Variants in PCDHGA9 observed in about 807,000 individuals in gnomAD.
The protein encoded by PCDHGA9 is protocadherin gamma subfamily A, 9.
A neutral mutation model predicts 62.5 loss-of-function variants in PCDHGA9; 37 were observed. That is an observed-to-expected ratio of 0.59 (90% CI 0.46 to 0.78). PCDHGA9 has a LOEUF of 0.78. Ranked by LOEUF, PCDHGA9 falls within the 30% of genes least tolerant of loss-of-function variation. The pLI is 0.00. For synonymous variants in PCDHGA9, 459 were observed against 484.6 expected (o/e 0.95, Z 0.69); for missense variants, 1,138 against 1,166.2 (o/e 0.98, Z 0.35).
intron 1 of PCDHGA9, among the ~76,000 whole-genome samples, chr5:141,492,745 C>G (rs2099743569): frequency 6.6e-6 from 1 of 152,262 alleles, no homozygotes; most frequent in Non-Finnish European, 1.5e-5. Flanking sequence ...GTGGCCGAGG[C>G]GCGGCAGGGC....
chr5:141,429,421 C>T (rs1223756901), intron 1 of PCDHGA9, among the ~76,000 whole-genome samples: 1 of 151,486 alleles, frequency 6.6e-6, no homozygotes, highest in Non-Finnish European at 1.5e-5. Context: ...CATTATGTTG[C>T]CCAGGCTGGA....
chr5:141,422,397 C>T (rs753017439), intron 1 of PCDHGA9: 4 of 1,597,606 alleles, frequency 2.5e-6, no homozygotes, highest in East Asian at 4.5e-5. Context: ...TTCCTAACCA[C>T]CTGCCTTTTA....
intron 1 of PCDHGA9, among the ~76,000 whole-genome samples, chr5:141,454,796 ATTTTTTTTTTTTTTTTTTT>A (rs61612330): frequency 3.9e-5 from 3 of 77,408 alleles, no homozygotes; most frequent in African/African-American, 1.2e-4. Context: ...CATGGTTCTA[ATTTTTTTTTTTTTTTTTTT>A]TTTTTTTTTT....
intron 1 of PCDHGA9, among the ~76,000 whole-genome samples, chr5:141,483,725 C>T (rs903001715): frequency 1.3e-5 from 2 of 152,008 alleles, no homozygotes; most frequent in Non-Finnish European, 1.5e-5. Context: ...TGGTTCCCAC[C>T]ATAGTCAAAA....
At chr5:141,444,864 A>G (rs1304165078) in intron 1 of PCDHGA9, among the ~76,000 whole-genome samples, 1 of 152,210 alleles carries the variant, frequency 6.6e-6, no homozygotes, top group African/African-American at 2.4e-5. Context: ...GTCTTACTAC[A>G]GGACAAAGCT....
rs765969768 is a variant in PCDHGA9, at chr5:141,421,456, G to A, written c.2424+16080G>A. ...CTCCAGAGGGAAGACACAGCTTTTC[G>A]CTGTGAATCCGCGAAGCGGCAGCTT... is the stretch of plus-strand genomic sequence containing the variant. On this transcript the variant is annotated intron_variant, in intron 1 of 3. Transcript: ENST00000573521. 9.3e-6 allele frequency: 15 copies of A among 1,614,132 alleles called. No homozygotes were observed. Among genetic ancestry groups the A allele is most frequent in the Non-Finnish European group, 1.1e-5 (13 of 1,179,948 alleles).
In PCDHGA9 at chr5:141,491,907, G is replaced by A; in HGVS notation, c.2425-2900G>A. 5 of 1,408,726 alleles carry A rather than the reference G, an allele frequency of 3.5e-6. No homozygotes were observed. In the South Asian group the frequency reaches 7.5e-5, roughly 21 times the overall value. The allele number at this position is 1,408,726 out of a possible 1,614,324, so 87.3% of individuals were successfully genotyped here. A position where few individuals can be genotyped will look rare whatever the true frequency, so the allele number is the denominator to read the frequency against. ...TGGGGCTCCGAGCACCGGGGGTGGTGGCGACTGTGGGCGAGGGGAGGTGGG... is the reference window on the plus strand; with the variant it reads ...TGGGGCTCCGAGCACCGGGGGTGGTAGCGACTGTGGGCGAGGGGAGGTGGG... On this transcript the variant is annotated intron_variant, in intron 1 of 3. Coordinates refer to ENST00000573521, the MANE Select transcript of PCDHGA9 (RefSeq NM_018921.3). This position sits in a 1 kb window ranked among gnomAD's most constrained non-coding sequence, Gnocchi z 6.9.
intron 1 of PCDHGA9, among the ~76,000 whole-genome samples, chr5:141,445,778 T>G (rs1045010487): frequency 6.6e-6 from 1 of 152,190 alleles, no homozygotes; most frequent in East Asian, 1.9e-4. Context: ...TTAAAAGGGC[T>G]AGGGAGGCTA....
chr5:141,404,714 G>T lies in PCDHGA9; in HGVS notation c.1762G>T (p.Val588Leu), dbSNP rs776337117. 6.2e-7 allele frequency: 1 copy of T among 1,614,068 alleles called. No individual in the cohort carries two copies. Among genetic ancestry groups the T allele is most frequent in the Non-Finnish European group, 8.5e-7 (1 of 1,180,028 alleles). ...CCGCTCTGCAGAGCCTGGCTACCTGGTGACCAAGGTGGTGGCAGTGGACAG... is the reference window on the plus strand; with the variant it reads ...CCGCTCTGCAGAGCCTGGCTACCTGTTGACCAAGGTGGTGGCAGTGGACAG... ...APRSAEPGYL[V>L]TKVVAVDRDS... Residue 588 changes from valine (V) to leucine (L), a missense_variant, in exon 1 of 4, where the codon GTG becomes TTG. Physicochemically the swap from Val to Leu is conservative, Grantham distance 32 (BLOSUM62 1). Coordinates refer to ENST00000573521, the MANE Select transcript of PCDHGA9 (RefSeq NM_018921.3).
intron 1 of PCDHGA9, chr5:141,413,400 G>T: frequency 6.2e-7 from 1 of 1,614,060 alleles, no homozygotes. Context: ...CCAGAGGTAG[G>T]ACGCAGCTTT....
Position 141,410,173 on chromosome 5 carries a change from C to G in PCDHGA9, c.2424+4797C>G, listed in dbSNP as rs544938164. ...GTGGACAGCCGCCACTCTCTGCCACCGCCACGCTTCATCTGGTCTTCGCAG... is the reference window on the plus strand; with the variant it reads ...GTGGACAGCCGCCACTCTCTGCCACGGCCACGCTTCATCTGGTCTTCGCAG... On this transcript the variant is annotated intron_variant, in intron 1 of 3. Coordinates refer to ENST00000573521, the MANE Select transcript of PCDHGA9 (RefSeq NM_018921.3). The G allele has an allele frequency of 6.2e-6, 10 of 1,613,842 alleles. No individual in the cohort carries two copies. The African/African-American group carries it at 9.3e-5, about 15-fold the overall frequency.
chr5:141,474,105 C>A (rs1292743515), intron 1 of PCDHGA9, among the ~76,000 whole-genome samples: 1 of 152,036 alleles, frequency 6.6e-6, no homozygotes, highest in African/African-American at 2.4e-5. Flanking sequence ...ACAACAAAAA[C>A]AACAACAACG....
At chr5:141,415,114 G>T in intron 1 of PCDHGA9, 5 of 1,613,648 alleles carry the variant, frequency 3.1e-6, no homozygotes, top group Non-Finnish European at 4.2e-6. Flanking sequence ...GCAAAGCCTC[G>T]TAGTGGCCGT....
intron 1 of PCDHGA9, chr5:141,415,504 C>G (rs1444248720): frequency 1.2e-6 from 2 of 1,614,216 alleles, no homozygotes; most frequent in South Asian, 2.2e-5. Flanking sequence ...CTTCCCCCAG[C>G]CCAATTATGC....
chr5:141,408,717 T>C lies in PCDHGA9; in HGVS notation c.2424+3341T>C, dbSNP rs774691298. ...ATAAACTCAATTAAAGATTATAAGA[T>C]AAACTCTAATCCTTATTTTTCATTA... is the stretch of plus-strand genomic sequence containing the variant. On this transcript the variant is annotated intron_variant, in intron 1 of 3. Transcript: ENST00000573521. The C allele has an allele frequency of 1.9e-6, 3 of 1,611,662 alleles. No individual in the cohort carries two copies. In the South Asian group the frequency reaches 3.3e-5, roughly 18 times the overall value.
chr5:141,413,265 T>C, intron 1 of PCDHGA9: 1 of 1,613,958 alleles, frequency 6.2e-7, no homozygotes, highest in Non-Finnish European at 8.5e-7. Context: ...CATGGGAGGC[T>C]GGAGCCCGGC....
At chr5:141,417,832 G>C in intron 1 of PCDHGA9, 1 of 1,528,846 alleles carries the variant, frequency 6.5e-7, no homozygotes. Flanking sequence ...CTGGAAAAGC[G>C]GGGACCCAGC....
intron 1 of PCDHGA9, among the ~76,000 whole-genome samples, chr5:141,472,039 A>T (rs913132856): frequency 1.3e-5 from 2 of 152,200 alleles, no homozygotes; most frequent in Non-Finnish European, 2.9e-5. Context: ...AGCTGTGAAA[A>T]GATTTTAAAA....
intron 1 of PCDHGA9, chr5:141,420,445 T>C: frequency 9.6e-7 from 1 of 1,044,750 alleles, no homozygotes; most frequent in Non-Finnish European, 1.3e-6. Context: ...AATGCCTCAG[T>C]CTTCCTACTA....
Sources: gnomAD v4.1 joint callset for allele counts (sites outside exome capture counted in the v4.1 genomes callset) on GRCh38, gnomAD v4.1.1 for gene constraint, Gnocchi (gnomAD v3.1) non-coding constraint, MANE v1.5 for transcripts, NCBI Gene and HGNC (gene_info 2026-07-23, HGNC 2026-07-21) for gene names.